The following BCAM variants were observed in gnomAD, a reference collection of about 807,000 sequenced individuals.
BCAM encodes basal cell adhesion molecule.
A neutral mutation model predicts 72.4 loss-of-function variants in BCAM; 61 were observed. The observed-to-expected ratio is 0.84, with a 90% CI of 0.69 to 1.04. BCAM has a LOEUF of 1.04. Among genes scored for constraint, BCAM ranks in the 50% least tolerant of loss-of-function variants. BCAM has a pLI of 0.00. For missense variants in BCAM, 909 were observed against 895.0 expected (o/e 1.02, Z -0.20); for synonymous variants, 408 against 384.2 (o/e 1.06, Z -0.73).
intron 8 of BCAM, among the ~76,000 whole-genome samples, chr19:44,817,215 C>T (rs1968513970): frequency 6.6e-6 from 1 of 151,954 alleles, no homozygotes; most frequent in African/African-American, 2.4e-5. Context: ...CTAGCCTGGG[C>T]GACAGAGCCA....
Position 44,818,795 on chromosome 19 carries a change from G to A in BCAM, c.1249G>A (p.Asp417Asn), listed in dbSNP as rs747031001. The A allele has an allele frequency of 3.1e-5, 50 of 1,613,882 alleles. No individual in the cohort carries two copies. The highest frequency in any genetic ancestry group is 3.8e-5 in the Non-Finnish European group (45 of 1,180,008). Residue 417 changes from aspartate (D) to asparagine (N), a missense_variant, in exon 10 of 15, where the codon GAT becomes AAT. By Grantham distance (23) the Asp-to-Asn change is conservative (BLOSUM62 1). Transcript: ENST00000270233. The surrounding 1 kb of genome is among the most constrained non-coding windows in gnomAD (Gnocchi z 4.6). ...PMLSLSSITF[D>N]SNGTYVCEAS... ...GCTGTCGCTCAGTTCTATCACCTTC[G>A]ATTCCAATGGCACCTACGTATGTGA...
In BCAM at chr19:44,814,176, G is replaced by C. The variant is rs1469186502; in HGVS notation, c.809G>C (p.Trp270Ser). Reference sequence around the variant, plus strand: ...GATCCCACGGAGCACGTGCAGTTCTGGGTGGGCAGCCCGTCCACCCCAGCA... The same window carrying C: ...GATCCCACGGAGCACGTGCAGTTCTCGGTGGGCAGCCCGTCCACCCCAGCA... ...LHYPTEHVQF[W>S]VGSPSTPAGW... Residue 270 changes from tryptophan (W) to serine (S), a missense_variant, in exon 7 of 15, where the codon TGG (tryptophan) becomes TCG (serine). Transcript: ENST00000270233. This position sits in a 1 kb window ranked among gnomAD's most constrained non-coding sequence, Gnocchi z 4.6. 2.5e-6 allele frequency: 4 copies of C among 1,580,720 alleles called. No homozygotes were observed. In the Admixed American group the frequency reaches 5.5e-5, roughly 22 times the overall value.
chr19:44,816,667 A>G (rs1052694082), intron 8 of BCAM, among the ~76,000 whole-genome samples: 8 of 152,128 alleles, frequency 5.3e-5, no homozygotes, highest in African/African-American at 1.9e-4. Context: ...AGCCAGGCAC[A>G]GTGGCTCACA....
intron 8 of BCAM, among the ~76,000 whole-genome samples, chr19:44,817,922 A>T (rs911362142): frequency 6.6e-6 from 1 of 152,150 alleles, no homozygotes; most frequent in Non-Finnish European, 1.5e-5. Flanking sequence ...GCTAGTGAAG[A>T]GGTGGTTGGG....
intron 1 of BCAM, 115 bp downstream of exon 1, chr19:44,809,321 G>C (rs1266186684): frequency 1.2e-6 from 1 of 861,780 alleles, no homozygotes; most frequent in Non-Finnish European, 1.6e-6. Context: ...GGGACCCCAA[G>C]GAGGAGGGAT....
intron 11 of BCAM, 46 bp from the exon 12 acceptor site, chr19:44,819,300 C>G (rs573890694): frequency 6.2e-7 from 1 of 1,612,566 alleles, no homozygotes; most frequent in Admixed American, 1.7e-5. Context: ...GCCCTTGACC[C>G]CACCCCTTGA....
At position 44,814,132 on chromosome 19, in the gene BCAM, T is replaced by G; in HGVS notation, c.785-20T>G. 1 of 1,566,374 alleles carries G rather than the reference T, an allele frequency of 6.4e-7. No homozygotes were observed. The highest frequency in any genetic ancestry group is 8.6e-7 in the Non-Finnish European group (1 of 1,163,930). ...ACCCTTCCCCTGATCACAATTCCCA[T>G]CTCCCTGCCCTTCCCTTAGATCCCA... On this transcript the variant is annotated intron_variant, in intron 6 of 14. Coordinates refer to ENST00000270233, the MANE Select transcript of BCAM (RefSeq NM_005581.5). This position sits in a 1 kb window ranked among gnomAD's most constrained non-coding sequence, Gnocchi z 4.6.
chr19:44,818,330 C>G lies in BCAM; in HGVS notation c.1079-192C>G, dbSNP rs979569013. ...TGGGCATGTCAATGTTGGGGTTAGACTGCTAGATTTTTGGTTGGAGAGCCT... is the reference window on the plus strand; with the variant it reads ...TGGGCATGTCAATGTTGGGGTTAGAGTGCTAGATTTTTGGTTGGAGAGCCT... On this transcript the variant is annotated intron_variant, in intron 8 of 14. Coordinates refer to ENST00000270233, the MANE Select transcript of BCAM (RefSeq NM_005581.5). This position sits in a 1 kb window ranked among gnomAD's most constrained non-coding sequence, Gnocchi z 4.6. Among the ~76,000 whole-genome samples, 11 of 152,172 alleles carry G rather than the reference C, an allele frequency of 7.2e-5. No individual in the cohort carries two copies. The highest frequency in any genetic ancestry group is 6.6e-4 in the Admixed American group (10 of 15,264).
Position 44,812,262 on chromosome 19 carries a change from T to C in BCAM, c.304T>C (p.Tyr102His), listed in dbSNP as rs369719491. The change falls in exon 3 of 15, where the codon TAC becomes CAC. Residue 102 changes from tyrosine to histidine, a missense_variant. Physicochemically the swap from Tyr to His is moderately conservative, Grantham distance 83. Coordinates refer to ENST00000270233, the MANE Select transcript of BCAM (RefSeq NM_005581.5). This position sits in a 1 kb window ranked among gnomAD's most constrained non-coding sequence, Gnocchi z 5.3. ...MHDTRGRSPP[Y>H]QLDSQGRLVL... ...CGACACCCGGGGCCGCAGTCCCCCA[T>C]ACCAGCTGGACTCCCAGGGGCGCCT... The C allele has an allele frequency of 6.2e-7, 1 of 1,610,490 alleles. No homozygotes were observed. The highest frequency in any genetic ancestry group is 8.5e-7 in the Non-Finnish European group (1 of 1,178,126).
At position 44,813,644 on chromosome 19, in the gene BCAM, C is replaced by T. The variant is rs535950984; in HGVS notation, c.784+24C>T. Reference sequence around the variant, plus strand: ...CTGTGAGTCTGTGCTGGCCTTTGACCTCTGACCTCAGGCTCCACACCTCAT... The same window carrying T: ...CTGTGAGTCTGTGCTGGCCTTTGACTTCTGACCTCAGGCTCCACACCTCAT... On this transcript the variant is annotated intron_variant, in intron 6 of 14. Coordinates refer to ENST00000270233, the MANE Select transcript of BCAM (RefSeq NM_005581.5). The surrounding 1 kb of genome is among the most constrained non-coding windows in gnomAD (Gnocchi z 4.2). The T allele has an allele frequency of 2.5e-6, 4 of 1,603,440 alleles. No homozygotes were observed. The highest frequency in any genetic ancestry group is 1.1e-5 in the South Asian group (1 of 90,248).
chr19:44,820,044 A>C, intron 13 of BCAM: 1 of 1,212,284 alleles, frequency 8.2e-7, no homozygotes, highest in Non-Finnish European at 1.0e-6. Context: ...GCTCAGCCTC[A>C]TCCCCAACTC....
rs542599529 is a variant in BCAM, at chr19:44,809,202, C to T, written c.78C>T (p.His26=). The change falls in exon 1 of 15, where the codon CAC becomes CAT. Residue 26 remains histidine, a synonymous_variant. Transcript: ENST00000270233. ...LLLLAVLLAA[H]PDAQAEVRLS... is the part of the protein sequence containing the mutation. The stretch of plus-strand genomic sequence containing the variant: ...TGCTCGCAGTCCTGCTGGCGGCGCA[C>T]CCAGGTATGGCTCGGGCTGAGGGCA... The T allele has an allele frequency of 4.1e-4, 608 of 1,473,868 alleles. 10 individuals are homozygous for T. The South Asian group carries it at 7.5e-3, about 18-fold the overall frequency. 91.3% of individuals were successfully genotyped at this position (1,473,868 alleles called of 1,614,324 possible). A position where few individuals can be genotyped will look rare whatever the true frequency, so the allele number is the denominator to read the frequency against.
rs1341007203 is a variant in BCAM, at chr19:44,815,265, C to CT, written c.1078+506dup. Among the ~76,000 whole-genome samples, 6 of 152,264 alleles carry CT rather than the reference C, an allele frequency of 3.9e-5. No individual in the cohort carries two copies. The East Asian group carries it at 1.2e-3, about 29-fold the overall frequency. On this transcript the variant is annotated intron_variant, in intron 8 of 14. Coordinates refer to ENST00000270233, the MANE Select transcript of BCAM (RefSeq NM_005581.5). ...CTTCACTGCCCATCCTTCCTACCGT[C>CT]TATTTCTCACCAATCCCTTGAATCC...
rs752280539 is a variant in BCAM at position 44,820,906 on chromosome 19, C to T, written c.1882-10C>T. 1.3e-5 allele frequency: 21 copies of T among 1,560,870 alleles called. No individual in the cohort carries two copies. The highest frequency in any genetic ancestry group is 7.2e-5 in the East Asian group (3 of 41,468). On this transcript the variant is annotated splice_polypyrimidine_tract_variant and intron_variant, in intron 14 of 14. Transcript: ENST00000270233. The stretch of plus-strand genomic sequence containing the variant: ...GTGGGCACAGGCTGACCTCTCCATC[C>T]GCTCCCCAGTGCTGAGCCAAGAACC...
At position 44,812,560 on chromosome 19, in the gene BCAM, G is replaced by A; in HGVS notation, c.504+12G>A. The A allele has an allele frequency of 6.2e-7, 1 of 1,613,998 alleles. No individual in the cohort carries two copies. The highest frequency in any genetic ancestry group is 8.5e-7 in the Non-Finnish European group (1 of 1,179,912). On this transcript the variant is annotated intron_variant, in intron 4 of 14. Coordinates refer to ENST00000270233, the MANE Select transcript of BCAM (RefSeq NM_005581.5). This position sits in a 1 kb window ranked among gnomAD's most constrained non-coding sequence, Gnocchi z 5.3. ...ACTCTGCCCAGGAGGTACCTCTCGG[G>A]TGGACCTTGGCCCCAGGGTCCTGGA...
In BCAM at chr19:44,813,198, C is replaced by T. The variant is rs1283761085; in HGVS notation, c.505-52C>T. 17 of 1,590,152 alleles carry T rather than the reference C, an allele frequency of 1.1e-5. No homozygotes were observed. The highest frequency in any genetic ancestry group is 2.7e-5 in the African/African-American group (2 of 74,242). On this transcript the variant is annotated intron_variant, in intron 4 of 14. Coordinates refer to ENST00000270233, the MANE Select transcript of BCAM (RefSeq NM_005581.5). The surrounding 1 kb of genome is among the most constrained non-coding windows in gnomAD (Gnocchi z 4.2). ...GGGAGAACTCCTGAGAGAGGAGCCC[C>T]GACTTCAGAGTCCCAGCTCCAAGCC...
At chr19:44,817,480 G>A (rs1335928167) in intron 8 of BCAM, among the ~76,000 whole-genome samples, 2 of 152,118 alleles carry the variant, frequency 1.3e-5, no homozygotes, top group African/African-American at 2.4e-5. Context: ...CGATGCCAAG[G>A]GTACTGGGGA....
chr19:44,809,838 T>C (rs961784790), intron 1 of BCAM, among the ~76,000 whole-genome samples: 2 of 119,170 alleles, frequency 1.7e-5, no homozygotes, highest in Admixed American at 2.5e-4. Flanking sequence ...CACACCTGCA[T>C]GAGGATAGAA....
intron 13 of BCAM, 75 bp from the exon 14 acceptor site, chr19:44,820,630 C>A (rs915861377): frequency 1.3e-4 from 173 of 1,360,808 alleles, no homozygotes; most frequent in Middle Eastern, 2.7e-4. Context: ...GTCCCACCCA[C>A]CCCCATCCTC....
Sources: allele counts gnomAD v4.1 joint callset (sites outside exome capture counted in the v4.1 genomes callset), GRCh38; gene constraint gnomAD v4.1.1; non-coding constraint Gnocchi (gnomAD v3.1); transcripts MANE v1.5; gene names NCBI Gene and HGNC (gene_info 2026-07-23, HGNC 2026-07-21).